PRPH2: variants seen among roughly 807,000 people sequenced by gnomAD.
The protein encoded by PRPH2 is peripherin 2.
Under a neutral mutation model 31.3 loss-of-function variants are expected in PRPH2, and 17 were observed. The observed-to-expected ratio is 0.54, with a 90% CI of 0.37 to 0.81. The LOEUF (loss-of-function observed/expected upper bound fraction) is 0.81. Among genes scored for constraint, PRPH2 ranks in the 40% least tolerant of loss-of-function variants. The pLI is 0.00. For missense variants in PRPH2, 430 were observed against 439.7 expected, an observed-to-expected ratio of 0.98 and a Z score of 0.20; for synonymous variants, 165 against 184.4, an observed-to-expected ratio of 0.89 and a Z score of 0.85.
rs1320649695 is a variant in PRPH2, at chr6:42,722,103, C to A, written c.232G>T (p.Ala78Ser). 1 of 1,614,186 alleles carries A rather than the reference C, an allele frequency of 6.2e-7. No homozygotes were observed. The highest frequency in any genetic ancestry group is 2.2e-5 in the East Asian group (1 of 44,888). The part of the protein sequence containing the change: ...GVLSCVFNSL[A>S]GKICYDALDP... ...AGGGCGTCGTAGCAGATCTTCCCAG[C>A]CAGCGAGTTGAAGACACAGGATAGC... The change falls in exon 1 of 3, where the codon GCT becomes TCT. Residue 78 changes from alanine (A) to serine (S), a missense_variant. Ala to Ser is a moderately conservative substitution (Grantham distance 99, BLOSUM62 1). Transcript: ENST00000230381. This position sits in a 1 kb window ranked among gnomAD's most constrained non-coding sequence, Gnocchi z 4.4.
chr6:42,699,069 T>C (rs1800003350), intron 2 of PRPH2, among the ~76,000 whole-genome samples: 1 of 129,166 alleles, frequency 7.7e-6, no homozygotes, highest in African/African-American at 3.1e-5. Context: ...TTTTTTTTTT[T>C]TTGAGACAAG....
chr6:42,713,851 C>T (rs1761723541), intron 1 of PRPH2, among the ~76,000 whole-genome samples: 1 of 134,260 alleles, frequency 7.4e-6, no homozygotes, highest in Non-Finnish European at 1.5e-5. Context: ...ACCCGGGAGG[C>T]GAAGGTTGCA....
chr6:42,698,655 C>G (rs1046477963), intron 2 of PRPH2, 148 bp from the exon 3 acceptor site: 24 of 1,128,068 alleles, frequency 2.1e-5, no homozygotes, highest in Non-Finnish European at 3.1e-5. Flanking sequence ...GCCTGCCCCA[C>G]GCTGCCCTGT....
rs2152003595 is a variant in PRPH2 at position 42,697,764 on chromosome 6, CCAA to C, written c.*528_*530del. On this transcript the variant is annotated 3_prime_UTR_variant, in exon 3 of 3. Transcript: ENST00000230381. ...ATTCTTAGAAAAGCGTAACTTTCCCCCAACTTCTGGCATTAAGCAAACGGCCAA... is the reference window on the plus strand; with the variant it reads ...ATTCTTAGAAAAGCGTAACTTTCCCCCTTCTGGCATTAAGCAAACGGCCAA... 1 of 153,236 alleles carries C rather than the reference CCAA, an allele frequency of 6.5e-6. No homozygotes were observed. The highest frequency in any genetic ancestry group is 1.9e-4 in the East Asian group (1 of 5,198). The allele number at this position is 153,236 out of a possible 1,614,324, so 9.5% of individuals were successfully genotyped here. A position where few individuals can be genotyped will look rare whatever the true frequency, so the allele number is the denominator to read the frequency against.
chr6:42,699,687 G>A (rs1009339828), intron 2 of PRPH2, among the ~76,000 whole-genome samples: 18 of 152,146 alleles, frequency 1.2e-4, no homozygotes, highest in African/African-American at 4.3e-4. Flanking sequence ...AGGAGTTCGA[G>A]ACCAGCCTGG....
In PRPH2 at chr6:42,696,749, C is replaced by G. The variant is rs1339508739; in HGVS notation, c.*1546G>C. ...CCTTTGCCAAAGATGGCTGGCTCAGCATTTTTTCAGTATGGATCATTCCTT... is the reference window on the plus strand; with the variant it reads ...CCTTTGCCAAAGATGGCTGGCTCAGGATTTTTTCAGTATGGATCATTCCTT... On this transcript the variant is annotated 3_prime_UTR_variant, in exon 3 of 3. Transcript: ENST00000230381. 1 of 152,178 alleles carries G rather than the reference C, an allele frequency of 6.6e-6. No individual in the cohort carries two copies. 9.4% of individuals were successfully genotyped at this position (152,178 alleles called of 1,614,324 possible). A position where few individuals can be genotyped will look rare whatever the true frequency, so the allele number is the denominator to read the frequency against.
At chr6:42,713,919 CAAAAAAAAA>C (rs55805454) in intron 1 of PRPH2, among the ~76,000 whole-genome samples, 2 of 38,094 alleles carry the variant, frequency 5.3e-5, no homozygotes, top group African/African-American at 2.0e-4. Flanking sequence ...GACTCCATCT[CAAAAAAAAA>C]AAAAAAAAAA....
intron 1 of PRPH2, among the ~76,000 whole-genome samples, chr6:42,706,524 G>A (rs1487939527): frequency 1.3e-5 from 2 of 151,762 alleles, no homozygotes; most frequent in Non-Finnish European, 2.9e-5. Context: ...AGAATCACTT[G>A]AGCCCGAGAC....
At chr6:42,701,441 G>T (rs563671745) in intron 2 of PRPH2, among the ~76,000 whole-genome samples, 2 of 151,840 alleles carry the variant, frequency 1.3e-5, no homozygotes, top group East Asian at 3.9e-4. Context: ...TGTGTTTTTT[G>T]TAGAGATGAG....
intron 1 of PRPH2, among the ~76,000 whole-genome samples, chr6:42,706,127 C>T (rs1355881898): frequency 2.0e-5 from 3 of 151,566 alleles, no homozygotes; most frequent in African/African-American, 7.3e-5. Flanking sequence ...AAATACAGGC[C>T]GGGCACGGTG....
At position 42,722,553 on chromosome 6, in the gene PRPH2, A is replaced by C; in HGVS notation, c.-219T>G. The C allele has an allele frequency of 7.0e-7, 1 of 1,433,792 alleles. No homozygotes were observed. The highest frequency in any genetic ancestry group is 9.1e-7 in the Non-Finnish European group (1 of 1,096,982). 88.8% of individuals were successfully genotyped at this position (1,433,792 alleles called of 1,614,324 possible). On this transcript the variant is annotated 5_prime_UTR_variant, in exon 1 of 3. Coordinates refer to ENST00000230381, the MANE Select transcript of PRPH2 (RefSeq NM_000322.5). The surrounding 1 kb of genome is among the most constrained non-coding windows in gnomAD (Gnocchi z 4.4). ...CTCGGAATCACAGCTTGAGCAGGGG[A>C]TAGTCCTGGTCCTGGGCGTTGTTTC...
At chr6:42,699,797 T>C (rs917496003) in intron 2 of PRPH2, among the ~76,000 whole-genome samples, 4 of 151,920 alleles carry the variant, frequency 2.6e-5, no homozygotes, top group African/African-American at 7.3e-5. Flanking sequence ...GGTACTTGGG[T>C]AGCCAAGATG....
Position 42,713,255 on chromosome 6 carries a change from C to G in PRPH2, c.581+8499G>C, listed in dbSNP as rs146365613. On this transcript the variant is annotated intron_variant, in intron 1 of 2. Transcript: ENST00000230381. ...AAAAAAAAGAGAAAGAACTACAAAT[C>G]TCTTTCACTGATACCTTGCTCTGAA... Among the ~76,000 whole-genome samples the G allele has an allele frequency of 4.7e-3, 707 of 151,888 alleles. 4 individuals carry two copies. Among genetic ancestry groups the G allele is most frequent in the African/African-American group, 0.016 (673 of 41,412 alleles).
intron 2 of PRPH2, among the ~76,000 whole-genome samples, chr6:42,701,959 G>A (rs532362444): frequency 1.1e-4 from 16 of 151,870 alleles, no homozygotes; most frequent in South Asian, 2.1e-4. Flanking sequence ...AGAAGGCTTC[G>A]GCTGGGCGCA....
In PRPH2 at chr6:42,714,627, C is replaced by T. The variant is rs142312897; in HGVS notation, c.581+7127G>A. Among the ~76,000 whole-genome samples, 274 of 152,230 alleles carry T rather than the reference C, an allele frequency of 1.8e-3. 2 individuals carry two copies. The South Asian group carries it at 0.028, about 15-fold the overall frequency. ...AATTTCTTGGGCTCAGGTGATCCTCCCACCTTAGCCTCCCAAGTAGCTGAG... is the reference window on the plus strand; with the variant it reads ...AATTTCTTGGGCTCAGGTGATCCTCTCACCTTAGCCTCCCAAGTAGCTGAG... On this transcript the variant is annotated intron_variant, in intron 1 of 2. Transcript: ENST00000230381.
At chr6:42,705,600 ATAT>A (rs1395195840) in intron 1 of PRPH2, among the ~76,000 whole-genome samples, 9 of 3,666 alleles carry the variant, frequency 2.5e-3, no homozygotes, top group South Asian at 0.011. Context: ...AAAAAAAAAA[ATAT>A]ATATATATAT....
At chr6:42,715,380 G>A (rs1761757150) in intron 1 of PRPH2, among the ~76,000 whole-genome samples, 3 of 151,812 alleles carry the variant, frequency 2.0e-5, no homozygotes, top group African/African-American at 7.3e-5. Flanking sequence ...CTAAGACAGA[G>A]CAGCCAAAAC....
In PRPH2 at chr6:42,696,704, A is replaced by C. The variant is rs572790730; in HGVS notation, c.*1591T>G. On this transcript the variant is annotated 3_prime_UTR_variant, in exon 3 of 3. Coordinates refer to ENST00000230381, the MANE Select transcript of PRPH2 (RefSeq NM_000322.5). Reference sequence around the variant, plus strand: ...CACCGTGGTTCTCAGCACTCTTGAGAGATAGCAAGAGCTCAGGGACCTTTG... The same window carrying C: ...CACCGTGGTTCTCAGCACTCTTGAGCGATAGCAAGAGCTCAGGGACCTTTG... The C allele has an allele frequency of 1.3e-5, 2 of 152,306 alleles. No homozygotes were observed. The highest frequency in any genetic ancestry group is 4.8e-5 in the African/African-American group (2 of 41,544). 9.4% of individuals were successfully genotyped at this position (152,306 alleles called of 1,614,324 possible).
At chr6:42,721,437 T>C (rs1761899923) in intron 1 of PRPH2, among the ~76,000 whole-genome samples, 1 of 152,182 alleles carries the variant, frequency 6.6e-6, no homozygotes, top group Admixed American at 6.5e-5. Context: ...CTGTATAAAG[T>C]GGACACACAT....
Sources: allele counts gnomAD v4.1 joint callset (sites outside exome capture counted in the v4.1 genomes callset), GRCh38; gene constraint gnomAD v4.1.1; non-coding constraint Gnocchi (gnomAD v3.1); transcripts MANE v1.5; gene names NCBI Gene and HGNC (gene_info 2026-07-23, HGNC 2026-07-21).